ETV6: variants seen among roughly 807,000 people sequenced by gnomAD.
ETV6 encodes the protein ETS variant transcription factor 6, also known as transcription factor ETV6.
Under a neutral mutation model 51.1 loss-of-function variants are expected in ETV6, and 16 were observed. That is an observed-to-expected ratio of 0.31 (90% CI 0.21 to 0.48). The LOEUF (loss-of-function observed/expected upper bound fraction) is 0.48, where lower values mean the gene tolerates loss of function less well. ETV6 is among the 20% of genes least tolerant of loss of function. ETV6 has a pLI of 0.99. For synonymous variants in ETV6, 240 were observed against 224.1 expected (o/e 1.07, Z -0.64); for missense variants, 458 against 594.8 (o/e 0.77, Z 2.39).
At chr12:11,653,285 T>C (rs1863940480) in intron 1 of ETV6, among the ~76,000 whole-genome samples, 1 of 152,212 alleles carries the variant, frequency 6.6e-6, no homozygotes, top group South Asian at 2.1e-4. Flanking sequence ...GTTCTAAGTT[T>C]GACCAAGTTG....
intron 1 of ETV6, among the ~76,000 whole-genome samples, chr12:11,695,217 T>C (rs1864852082): frequency 6.6e-6 from 1 of 152,148 alleles, no homozygotes; most frequent in Admixed American, 6.5e-5. Context: ...TGAATTGAAA[T>C]AGAGATTTCT....
intron 2 of ETV6, among the ~76,000 whole-genome samples, chr12:11,823,846 C>G (rs1315326620): frequency 6.6e-6 from 1 of 152,186 alleles, no homozygotes; most frequent in African/African-American, 2.4e-5. Flanking sequence ...TTCAGCCCCC[C>G]TTGACTGCCA....
intron 1 of ETV6, among the ~76,000 whole-genome samples, chr12:11,733,333 G>T (rs1006733192): frequency 1.3e-5 from 2 of 151,064 alleles, no homozygotes; most frequent in African/African-American, 4.9e-5. Flanking sequence ...GCGTGAATCC[G>T]GGAGGCAGAG....
intron 3 of ETV6, among the ~76,000 whole-genome samples, chr12:11,845,654 G>A (rs1056099336): frequency 6.6e-6 from 1 of 152,080 alleles, no homozygotes; most frequent in Non-Finnish European, 1.5e-5. Flanking sequence ...AAATTAAAAG[G>A]TTAATTCAAT....
chr12:11,654,734 T>C (rs1863968768), intron 1 of ETV6, among the ~76,000 whole-genome samples: 2 of 152,148 alleles, frequency 1.3e-5, no homozygotes, highest in South Asian at 4.1e-4. Context: ...TATATATATT[T>C]TTTACAGTGC....
At chr12:11,852,001 A>C (rs1021952836) in intron 3 of ETV6, among the ~76,000 whole-genome samples, 1 of 152,232 alleles carries the variant, frequency 6.6e-6, no homozygotes, top group Non-Finnish European at 1.5e-5. Flanking sequence ...TGTTTAAAAA[A>C]AGTCGCTAAA....
chr12:11,680,701 A>G (rs988280592), intron 1 of ETV6, among the ~76,000 whole-genome samples: 1 of 152,184 alleles, frequency 6.6e-6, no homozygotes, highest in South Asian at 2.1e-4. Context: ...CATTTTCCCC[A>G]GGCGTTGGTG....
intron 2 of ETV6, among the ~76,000 whole-genome samples, chr12:11,797,795 A>G (rs1284741834): frequency 6.6e-6 from 1 of 152,228 alleles, no homozygotes. Context: ...CCCAAGTAAA[A>G]TAAATAGGAC....
At position 11,669,348 on chromosome 12, in the gene ETV6, G is replaced by A. The variant is rs532781811; in HGVS notation, c.33+19188G>A. ...CTCCCTCCCTCCCTCCTTTCCTCCCGTCCTCCTGTCCTCCCTTCCTCCCTT... is the reference window on the plus strand; with the variant it reads ...CTCCCTCCCTCCCTCCTTTCCTCCCATCCTCCTGTCCTCCCTTCCTCCCTT... On this transcript the variant is annotated intron_variant, in intron 1 of 7. Transcript: ENST00000396373. Among the ~76,000 whole-genome samples, 41 of 104,692 alleles carry A rather than the reference G, an allele frequency of 3.9e-4. 2 individuals carry two copies. The highest frequency in any genetic ancestry group is 1.4e-3 in the African/African-American group (34 of 24,242). 68.7% of individuals were successfully genotyped at this position (104,692 alleles called of 152,430 possible). A position where few individuals can be genotyped will look rare whatever the true frequency, so the allele number is the denominator to read the frequency against.
At chr12:11,840,848 A>G (rs1253445719) in intron 3 of ETV6, 1 of 233,012 alleles carries the variant, frequency 4.3e-6, no homozygotes, top group Non-Finnish European at 8.7e-6. Flanking sequence ...CAACCATGTA[A>G]ATAAATCAGA....
intron 1 of ETV6, among the ~76,000 whole-genome samples, chr12:11,703,580 T>G (rs909135734): frequency 6.6e-6 from 1 of 152,226 alleles, no homozygotes; most frequent in Non-Finnish European, 1.5e-5. Context: ...GCGGCCATGT[T>G]TCCATTGTGC....
intron 4 of ETV6, among the ~76,000 whole-genome samples, chr12:11,860,709 G>A (rs1470896193): frequency 6.6e-6 from 1 of 152,000 alleles, no homozygotes; most frequent in South Asian, 2.1e-4. Flanking sequence ...CTCTGTTTGT[G>A]TAAATTTTTA....
At chr12:11,705,502 A>G (rs1865058048) in intron 1 of ETV6, among the ~76,000 whole-genome samples, 1 of 152,120 alleles carries the variant, frequency 6.6e-6, no homozygotes, top group Non-Finnish European at 1.5e-5. Context: ...ACTGCTTTGG[A>G]CTGTTCGACT....
At chr12:11,786,037 G>A (rs1945478980) in intron 2 of ETV6, among the ~76,000 whole-genome samples, 2 of 152,154 alleles carry the variant, frequency 1.3e-5, no homozygotes, top group African/African-American at 4.8e-5. Flanking sequence ...ACATATCCTG[G>A]GAGGAAGGGA....
intron 2 of ETV6, among the ~76,000 whole-genome samples, chr12:11,799,132 G>T (rs891782402): frequency 6.6e-6 from 1 of 152,174 alleles, no homozygotes; most frequent in Non-Finnish European, 1.5e-5. Flanking sequence ...AAAGGCAGAG[G>T]GGGAGGGGAG....
chr12:11,756,120 T>G (rs948403979), intron 2 of ETV6, among the ~76,000 whole-genome samples: 1 of 152,192 alleles, frequency 6.6e-6, no homozygotes, highest in Non-Finnish European at 1.5e-5. Flanking sequence ...TTTCCTTTTA[T>G]TTGCCAGTGA....
At chr12:11,782,738 A>G (rs1159330243) in intron 2 of ETV6, among the ~76,000 whole-genome samples, 2 of 152,234 alleles carry the variant, frequency 1.3e-5, no homozygotes, top group Non-Finnish European at 2.9e-5. Context: ...ATTCTCAAAA[A>G]GTAATTTAGA....
intron 1 of ETV6, among the ~76,000 whole-genome samples, chr12:11,691,468 G>A (rs549690357): frequency 1.3e-5 from 2 of 151,938 alleles, no homozygotes; most frequent in South Asian, 2.1e-4. Flanking sequence ...ACTTTATTTC[G>A]CTTACATATC....
At chr12:11,862,808 A>G (rs1946735425) in intron 4 of ETV6, among the ~76,000 whole-genome samples, 1 of 152,238 alleles carries the variant, frequency 6.6e-6, no homozygotes, top group African/African-American at 2.4e-5. Flanking sequence ...GGGGAGAGAT[A>G]GTCAACCCAT....
Sources: allele counts gnomAD v4.1 joint callset (sites outside exome capture counted in the v4.1 genomes callset), GRCh38; gene constraint gnomAD v4.1.1; transcripts MANE v1.5; gene names NCBI Gene and HGNC (gene_info 2026-07-23, HGNC 2026-07-21).